EXOC6: variants seen among roughly 807,000 people sequenced by gnomAD.
EXOC6 encodes the protein exocyst complex component 6, also known as SEC15-like 1.
EXOC6 carries 60 observed loss-of-function variants against 112.5 expected under a neutral mutation model. The ratio of observed to expected loss-of-function variants is 0.53; its 90% CI spans 0.43 to 0.66. EXOC6 has a LOEUF of 0.66. EXOC6 is among the 30% of genes least tolerant of loss of function. EXOC6 has a pLI of 0.00. For missense variants in EXOC6, 855 were observed against 957.1 expected (o/e 0.89, Z 1.41); for synonymous variants, 295 against 308.0 (o/e 0.96, Z 0.44).
At chr10:92,956,529 T>G (rs1392355839) in intron 17 of EXOC6, among the ~76,000 whole-genome samples, 2 of 152,162 alleles carry the variant, frequency 1.3e-5, no homozygotes, top group East Asian at 3.8e-4. Flanking sequence ...AATAACTAAT[T>G]TAGTGTTAAC....
In EXOC6 at chr10:92,852,609, A is replaced by G. The variant is rs1030341133; in HGVS notation, c.101+3975A>G. On this transcript the variant is annotated intron_variant, in intron 1 of 21. Coordinates refer to ENST00000260762, the MANE Select transcript of EXOC6 (RefSeq NM_019053.6). ...GATCAAGTGAGGTTTATTTCAAGAA[A>G]GATGCTGGCTTAACATTTGAAAAAT... is the stretch of plus-strand genomic sequence containing the variant. Among the ~76,000 whole-genome samples, 6 of 152,340 alleles carry G rather than the reference A, an allele frequency of 3.9e-5. No individual in the cohort carries two copies. In the Middle Eastern group the frequency reaches 0.01, roughly 259 times the overall value.
At chr10:92,986,586 T>C (rs980045092) in intron 18 of EXOC6, among the ~76,000 whole-genome samples, 5 of 151,362 alleles carry the variant, frequency 3.3e-5, no homozygotes, top group African/African-American at 1.2e-4. Context: ...GTCTAGGCGA[T>C]ACTGGAAGTT....
chr10:92,849,140 G>C (rs1847199664), intron 1 of EXOC6, among the ~76,000 whole-genome samples: 1 of 152,088 alleles, frequency 6.6e-6, no homozygotes, highest in Non-Finnish European at 1.5e-5. Flanking sequence ...AAATTGAGCG[G>C]GAGACGCCGG....
rs1850729709 is a variant in EXOC6, at chr10:92,911,040, C to T, written c.663+1409C>T. 4.2e-5 allele frequency among the ~76,000 whole-genome samples: 3 copies of T among 70,636 alleles called. No individual in the cohort carries two copies. The South Asian group carries it at 1.8e-3, about 43-fold the overall frequency. 46.3% of individuals were successfully genotyped at this position (70,636 alleles called of 152,430 possible). On this transcript the variant is annotated intron_variant, in intron 6 of 21. Coordinates refer to ENST00000260762, the MANE Select transcript of EXOC6 (RefSeq NM_019053.6). ...AATGATGGGAGTTCATGATATTAAT[C>T]TGTTTATTTTGAAATTTTTAATAAA... is the stretch of plus-strand genomic sequence containing the variant.
At chr10:92,987,573 T>G (rs183845341) in intron 18 of EXOC6, 2 of 963,210 alleles carry the variant, frequency 2.1e-6, no homozygotes, top group African/African-American at 3.5e-5. Flanking sequence ...AGAATACATT[T>G]TCCTTTTTTA....
At chr10:92,869,977 A>G (rs11818299) in intron 1 of EXOC6, among the ~76,000 whole-genome samples, 3,018 of 121,042 alleles carry the variant, frequency 0.025, 52 homozygotes, top group African/African-American at 0.047. Context: ...TTTGAGATAG[A>G]GTCTCACTCT....
At chr10:92,890,196 A>G (rs1403273077) in intron 1 of EXOC6, among the ~76,000 whole-genome samples, 1 of 152,030 alleles carries the variant, frequency 6.6e-6, no homozygotes, top group Non-Finnish European at 1.5e-5. Context: ...TTTTAGATTT[A>G]TATCTAAGTA....
At chr10:92,938,400 A>G (rs1852474222) in intron 12 of EXOC6, among the ~76,000 whole-genome samples, 1 of 152,262 alleles carries the variant, frequency 6.6e-6, no homozygotes, top group African/African-American at 2.4e-5. Context: ...CAGCTTTTAA[A>G]TTTATAACTA....
intron 20 of EXOC6, among the ~76,000 whole-genome samples, chr10:93,045,377 G>A (rs1320025083): frequency 6.6e-6 from 1 of 152,210 alleles, no homozygotes; most frequent in Non-Finnish European, 1.5e-5. Flanking sequence ...TTGAGGTGGG[G>A]CAAGAGGGAG....
intron 1 of EXOC6, among the ~76,000 whole-genome samples, chr10:92,843,155 C>A (rs1380193283): frequency 6.6e-6 from 1 of 152,162 alleles, no homozygotes; most frequent in Non-Finnish European, 1.5e-5. Flanking sequence ...TTCTATTGTT[C>A]TCCACCGTGG....
intron 1 of EXOC6, among the ~76,000 whole-genome samples, chr10:92,868,858 G>C (rs187211922): frequency 3.4e-3 from 494 of 146,550 alleles, no homozygotes; most frequent in Non-Finnish European, 5.5e-3. Flanking sequence ...TAGAGACCAG[G>C]CTGGAGGGCA....
At chr10:92,888,472 G>A (rs901915448) in intron 1 of EXOC6, among the ~76,000 whole-genome samples, 7 of 152,148 alleles carry the variant, frequency 4.6e-5, no homozygotes, top group Admixed American at 1.3e-4. Flanking sequence ...GTTTATTTAT[G>A]TTATTACTCT....
At chr10:92,965,657 T>A (rs1842014720) in intron 17 of EXOC6, among the ~76,000 whole-genome samples, 1 of 152,212 alleles carries the variant, frequency 6.6e-6, no homozygotes, top group African/African-American at 2.4e-5. Context: ...CTCTTAGGAA[T>A]GTCTTACCAA....
chr10:93,057,749 G>C (rs1356031726), intron 21 of EXOC6, among the ~76,000 whole-genome samples: 1 of 151,920 alleles, frequency 6.6e-6, no homozygotes, highest in African/African-American at 2.4e-5. Flanking sequence ...AAATATTTGT[G>C]GTGTATTTGA....
At chr10:92,876,512 T>C (rs938046203) in intron 1 of EXOC6, among the ~76,000 whole-genome samples, 1 of 152,172 alleles carries the variant, frequency 6.6e-6, no homozygotes, top group Non-Finnish European at 1.5e-5. Context: ...ATCACTGTGC[T>C]TTGCCTTTTA....
chr10:92,936,028 T>G (rs1852319607), intron 12 of EXOC6, 143 bp downstream of exon 12: 2 of 586,870 alleles, frequency 3.4e-6, no homozygotes, highest in East Asian at 6.2e-5. Flanking sequence ...TATTCTGCTA[T>G]TACCCAGGAC....
chr10:92,897,383 G>A (rs971417274), intron 4 of EXOC6, among the ~76,000 whole-genome samples: 7 of 152,136 alleles, frequency 4.6e-5, no homozygotes, highest in African/African-American at 1.7e-4. Flanking sequence ...ATCATGGTAG[G>A]TATTGGAACT....
intron 19 of EXOC6, among the ~76,000 whole-genome samples, chr10:93,000,001 G>T (rs1843681819): frequency 6.6e-6 from 1 of 152,146 alleles, no homozygotes. Flanking sequence ...ACCGTGCCTA[G>T]CCCTGTGCCT....
intron 7 of EXOC6, among the ~76,000 whole-genome samples, chr10:92,917,426 G>GAAAA (rs11393322): frequency 1.4e-5 from 2 of 147,036 alleles, no homozygotes; most frequent in African/African-American, 4.9e-5. Flanking sequence ...TCTTTTAATG[G>GAAAA]AAAAAAAAAA....
Sources: gnomAD v4.1 joint callset for allele counts (sites outside exome capture counted in the v4.1 genomes callset) on GRCh38, gnomAD v4.1.1 for gene constraint, MANE v1.5 for transcripts, NCBI Gene and HGNC (gene_info 2026-07-23, HGNC 2026-07-21) for gene names.